Variants in TMEM183A observed in about 807,000 individuals in gnomAD.
TMEM183A encodes transmembrane protein 183A, also known as chromosome 1 open reading frame 37.
In TMEM183A, 21 loss-of-function variants were observed where a neutral mutation model predicts 46.7. The ratio of observed to expected loss-of-function variants is 0.45; its 90% confidence interval spans 0.32 to 0.65. TMEM183A has a LOEUF of 0.65. Ranked by LOEUF, TMEM183A falls within the 30% of genes least tolerant of loss-of-function variation. TMEM183A has a pLI of 0.04. For missense variants in TMEM183A, 331 were observed against 481.9 expected (o/e 0.69, Z 2.93); for synonymous variants, 165 against 180.2 (o/e 0.92, Z 0.68).
intron 6 of TMEM183A, among the ~76,000 whole-genome samples, chr1:203,020,442 C>T (rs1425115633): frequency 3.3e-5 from 5 of 152,140 alleles, no homozygotes; most frequent in South Asian, 2.1e-4. Flanking sequence ...TGCTTCCATC[C>T]CTTTTGTGCA....
At chr1:203,012,756 G>A (rs1045744774) in intron 3 of TMEM183A, among the ~76,000 whole-genome samples, 1 of 152,106 alleles carries the variant, frequency 6.6e-6, no homozygotes, top group African/African-American at 2.4e-5. Flanking sequence ...TTGAGACAGG[G>A]ACTCACTCTG....
chr1:203,018,596 C>T, intron 6 of TMEM183A, 35 bp downstream of exon 6: 1 of 1,597,242 alleles, frequency 6.3e-7, no homozygotes, highest in Non-Finnish European at 8.6e-7. Flanking sequence ...CAGATAATAC[C>T]TTGTTCTAAG....
Position 203,023,950 on chromosome 1 carries a change from A to AT in TMEM183A, c.*911dup. ...GGGTAAGTAAAAAATTGATTGTGGT[A>AT]TATGTTATTCTAATCAGCCAAAAAA... On this transcript the variant is annotated 3_prime_UTR_variant, in exon 8 of 8. Coordinates refer to ENST00000367242, the MANE Select transcript of TMEM183A (RefSeq NM_138391.6). The AT allele has an allele frequency of 6.6e-6, 1 of 152,352 alleles. No individual in the cohort carries two copies. Among genetic ancestry groups the AT allele is most frequent in the Middle Eastern group, 3.4e-3 (1 of 294 alleles). The allele number at this position is 152,352 out of a possible 1,614,324, so 9.4% of individuals were successfully genotyped here. A position where few individuals can be genotyped will look rare whatever the true frequency, so the allele number is the denominator to read the frequency against.
At chr1:203,007,745 C>T (rs369710391) in intron 1 of TMEM183A, 29 bp from the exon 2 acceptor site, 27 of 1,612,214 alleles carry the variant, frequency 1.7e-5, no homozygotes, top group African/African-American at 1.3e-4. Context: ...GAGAAGGCCT[C>T]TTCCTTGAGG....
intron 7 of TMEM183A, among the ~76,000 whole-genome samples, chr1:203,021,964 A>G (rs1657727671): frequency 1.3e-5 from 2 of 152,212 alleles, no homozygotes; most frequent in South Asian, 4.1e-4. Flanking sequence ...CTGTAACTGC[A>G]ATTAATCTTT....
At chr1:203,015,648 G>C (rs1558041103) in intron 4 of TMEM183A, 1 of 270,548 alleles carries the variant, frequency 3.7e-6, no homozygotes, top group Non-Finnish European at 7.0e-6. Context: ...GTGGCTCTTC[G>C]CCAGTATAGG....
chr1:203,017,379 T>G (rs1292837281), intron 5 of TMEM183A, among the ~76,000 whole-genome samples: 2 of 152,186 alleles, frequency 1.3e-5, no homozygotes, highest in Non-Finnish European at 2.9e-5. Flanking sequence ...AAACTCCTCA[T>G]GCTTGACACA....
intron 3 of TMEM183A, among the ~76,000 whole-genome samples, chr1:203,009,941 C>T (rs538862536): frequency 7.2e-5 from 11 of 152,222 alleles, no homozygotes; most frequent in African/African-American, 2.4e-4. Flanking sequence ...CGAGACCATC[C>T]TGGCCATTAT....
intron 6 of TMEM183A, among the ~76,000 whole-genome samples, chr1:203,018,809 G>A (rs1657407856): frequency 6.6e-6 from 1 of 152,172 alleles, no homozygotes; most frequent in Admixed American, 6.6e-5. Context: ...TCCTTCAGAG[G>A]GGAGGAACAC....
chr1:203,022,814 G>C (rs775279080), intron 7 of TMEM183A, 41 bp from the exon 8 acceptor site: 9 of 1,612,952 alleles, frequency 5.6e-6, no homozygotes, highest in Non-Finnish European at 7.6e-6. Flanking sequence ...TGGAAACCAA[G>C]GTTGTGTAAG....
chr1:203,011,224 A>T (rs1217778213), intron 3 of TMEM183A, among the ~76,000 whole-genome samples: 1 of 152,166 alleles, frequency 6.6e-6, no homozygotes, highest in Non-Finnish European at 1.5e-5. Flanking sequence ...GCATCGTTTT[A>T]TATTTCCACC....
At chr1:203,020,361 C>A (rs192771319) in intron 6 of TMEM183A, among the ~76,000 whole-genome samples, 27 of 152,210 alleles carry the variant, frequency 1.8e-4, no homozygotes, top group Admixed American at 9.8e-4. Flanking sequence ...AAGTGAATGC[C>A]GAGATTTTCC....
chr1:203,014,908 A>C lies in TMEM183A; in HGVS notation c.387A>C (p.Gly129=). The C allele has an allele frequency of 6.2e-7, 1 of 1,613,528 alleles. No individual in the cohort carries two copies. Among genetic ancestry groups the C allele is most frequent in the Non-Finnish European group, 8.5e-7 (1 of 1,179,742 alleles). The change falls in exon 4 of 8, where the codon GGA becomes GGC. Residue 129 remains glycine (G), a synonymous_variant. Transcript: ENST00000367242. ...TTTCAGAAGAACTGGACGGGGCTGG[A>C]GGAGAAGAGTATCCCATGGATATTT... The part of the protein sequence containing the change: ...KRHKEELDGA[G]GEEYPMDIWL...
intron 2 of TMEM183A, 23 bp from the exon 3 acceptor site, chr1:203,008,620 A>G: frequency 6.7e-7 from 1 of 1,495,456 alleles, no homozygotes; most frequent in African/African-American, 1.4e-5. Context: ...GTGCCATCTC[A>G]TTCTCCTTTT....
At chr1:203,018,294 C>T (rs766326422) in intron 5 of TMEM183A, among the ~76,000 whole-genome samples, 187 bp from the exon 6 acceptor site, 5 of 152,104 alleles carry the variant, frequency 3.3e-5, no homozygotes, top group African/African-American at 1.2e-4. Flanking sequence ...TGGGATTGTC[C>T]GTTTTTATGT....
chr1:203,010,330 T>A (rs1170580549), intron 3 of TMEM183A, among the ~76,000 whole-genome samples: 1 of 152,190 alleles, frequency 6.6e-6, no homozygotes, highest in Non-Finnish European at 1.5e-5. Flanking sequence ...GTCATATCCC[T>A]CTTTTTCAGG....
intron 3 of TMEM183A, among the ~76,000 whole-genome samples, chr1:203,009,815 A>C (rs191551339): frequency 5.3e-5 from 8 of 152,254 alleles, no homozygotes; most frequent in Admixed American, 3.9e-4. Flanking sequence ...GGTTCTGATG[A>C]TCAGCTACGT....
intron 3 of TMEM183A, among the ~76,000 whole-genome samples, chr1:203,009,281 A>T (rs1656315909): frequency 6.6e-6 from 1 of 152,230 alleles, no homozygotes; most frequent in Non-Finnish European, 1.5e-5. Context: ...GCAATTAGTA[A>T]TGTCTGCTTT....
intron 2 of TMEM183A, among the ~76,000 whole-genome samples, chr1:203,008,198 C>T (rs531858688): frequency 1.4e-4 from 22 of 152,122 alleles, no homozygotes; most frequent in Non-Finnish European, 2.5e-4. Context: ...TTTTCCTTTT[C>T]TGGTGTTTCT....
Sources: gnomAD v4.1 joint callset for allele counts (sites outside exome capture counted in the v4.1 genomes callset) on GRCh38, gnomAD v4.1.1 for gene constraint, MANE v1.5 for transcripts, NCBI Gene and HGNC (gene_info 2026-07-23, HGNC 2026-07-21) for gene names.